Variants in CNTN6 observed in about 807,000 individuals in gnomAD.
CNTN6 encodes the protein contactin-6.
In CNTN6, 137 loss-of-function variants were observed where a neutral mutation model predicts 122.8. The ratio of observed to expected loss-of-function variants is 1.12; its 90% confidence interval spans 0.97 to 1.29. The LOEUF (loss-of-function observed/expected upper bound fraction) is 1.29, where lower values mean the gene tolerates loss of function less well. Ranked by LOEUF, CNTN6 falls within the 50% of genes most tolerant of loss-of-function variation. The pLI is 0.00. For missense variants in CNTN6, 1,634 were observed against 1,223.4 expected (o/e 1.34, Z -5.01); for synonymous variants, 570 against 426.0 (o/e 1.34, Z -4.16).
At chr3:1,232,130 A>T (rs572505322) in intron 4 of CNTN6, among the ~76,000 whole-genome samples, 1 of 152,354 alleles carries the variant, frequency 6.6e-6, no homozygotes, top group East Asian at 1.9e-4. Flanking sequence ...TAATTTTTAA[A>T]TGCCCTTATA....
At chr3:1,142,974 A>ATG (rs2092645766) in intron 1 of CNTN6, among the ~76,000 whole-genome samples, 2 of 50,462 alleles carry the variant, frequency 4.0e-5, no homozygotes, top group Admixed American at 4.4e-4. Context: ...GTGTGTATAT[A>ATG]TATATATATA....
chr3:1,323,889 A>ATGGC lies in CNTN6; in HGVS notation c.947-1926_947-1925insTGGC, dbSNP rs1701189775. On this transcript the variant is annotated intron_variant, in intron 8 of 22. Coordinates refer to ENST00000446702, the MANE Select transcript of CNTN6 (RefSeq NM_001289080.2). ...CATCCAAAGAATGTTCACGTTGAAT[A>ATGGC]AATAAATGTGTTCTGTAGCCGCAAT... Among the ~76,000 whole-genome samples, 334 of 150,762 alleles carry ATGGC rather than the reference A, an allele frequency of 2.2e-3. 2 individuals are homozygous for ATGGC. Among genetic ancestry groups the ATGGC allele is most frequent in the African/African-American group, 7.7e-3 (309 of 40,352 alleles).
chr3:1,343,322 C>T (rs1575784309), intron 11 of CNTN6, among the ~76,000 whole-genome samples: 2 of 152,008 alleles, frequency 1.3e-5, no homozygotes, highest in Non-Finnish European at 2.9e-5. Context: ...ATGTTGGCAC[C>T]CCAACCCCTG....
At position 1,179,984 on chromosome 3, in the gene CNTN6, G is replaced by A. The variant is rs954583386; in HGVS notation, c.55+31921G>A. On this transcript the variant is annotated intron_variant, in intron 2 of 22. Coordinates refer to ENST00000446702, the MANE Select transcript of CNTN6 (RefSeq NM_001289080.2). ...CCCATAGGCACATATCTTTTTTTAG[G>A]TTTTAAGTTAGTTGGTATTCCTGCA... Among the ~76,000 whole-genome samples the A allele has an allele frequency of 2.0e-5, 3 of 152,070 alleles. No individual in the cohort carries two copies. In the South Asian group the frequency reaches 6.2e-4, roughly 31 times the overall value.
chr3:1,143,719 A>C (rs2092664610), intron 1 of CNTN6, among the ~76,000 whole-genome samples: 1 of 152,212 alleles, frequency 6.6e-6, no homozygotes. Context: ...AATATTAGCT[A>C]TTTAGGCTAG....
At chr3:1,390,009 A>AAAGT (rs948069986) in intron 20 of CNTN6, among the ~76,000 whole-genome samples, 5 of 151,662 alleles carry the variant, frequency 3.3e-5, no homozygotes, top group African/African-American at 1.2e-4. Flanking sequence ...AATGAGACAG[A>AAAGT]AAGTCAACAA....
At chr3:1,342,095 A>T (rs1317559085) in intron 11 of CNTN6, among the ~76,000 whole-genome samples, 1 of 152,106 alleles carries the variant, frequency 6.6e-6, no homozygotes, top group African/African-American at 2.4e-5. Flanking sequence ...GCCAAAAAAA[A>T]GTAACATAAA....
At chr3:1,148,161 G>A in intron 2 of CNTN6, 98 bp downstream of exon 2, 2 of 893,600 alleles carry the variant, frequency 2.2e-6, no homozygotes, top group Non-Finnish European at 3.6e-6. Flanking sequence ...CAATTTGTAT[G>A]TTATTTGAAT....
At chr3:1,286,319 G>T (rs528721576) in intron 5 of CNTN6, among the ~76,000 whole-genome samples, 1 of 152,114 alleles carries the variant, frequency 6.6e-6, no homozygotes, top group Non-Finnish European at 1.5e-5. Context: ...TCTACATTAG[G>T]TTTTTCTCCT....
chr3:1,230,479 A>G (rs2094340168), intron 4 of CNTN6, among the ~76,000 whole-genome samples: 1 of 152,206 alleles, frequency 6.6e-6, no homozygotes, highest in Non-Finnish European at 1.5e-5. Context: ...ATATATTTCA[A>G]ACCACTTGAG....
intron 8 of CNTN6, among the ~76,000 whole-genome samples, chr3:1,322,827 T>A (rs1202116923): frequency 6.6e-6 from 1 of 151,668 alleles, no homozygotes; most frequent in Non-Finnish European, 1.5e-5. Flanking sequence ...AGAATATAAT[T>A]TTCTACTCAT....
At chr3:1,313,685 A>G (rs745523625) in intron 7 of CNTN6, among the ~76,000 whole-genome samples, 12 of 152,128 alleles carry the variant, frequency 7.9e-5, no homozygotes, top group Non-Finnish European at 1.2e-4. Context: ...GGGAAAGCTG[A>G]TATAGGCATC....
intron 2 of CNTN6, among the ~76,000 whole-genome samples, chr3:1,217,610 T>G (rs1394718902): frequency 6.6e-6 from 1 of 152,208 alleles, no homozygotes; most frequent in African/African-American, 2.4e-5. Context: ...TAATATTTTA[T>G]CAAAATGCCA....
chr3:1,247,532 C>T lies in CNTN6; in HGVS notation c.358+19539C>T, dbSNP rs1413790014. The stretch of plus-strand genomic sequence containing the variant: ...AGAGAACCAGAGGAGAATAAAAATT[C>T]ATGCCATGAGATCCAATCCATTATG... On this transcript the variant is annotated intron_variant, in intron 4 of 22. Coordinates refer to ENST00000446702, the MANE Select transcript of CNTN6 (RefSeq NM_001289080.2). Among the ~76,000 whole-genome samples the T allele has an allele frequency of 2.0e-5, 3 of 151,972 alleles. No individual in the cohort carries two copies. In the East Asian group the frequency reaches 5.8e-4, roughly 29 times the overall value.
At chr3:1,279,912 A>G (rs1373982103) in intron 5 of CNTN6, among the ~76,000 whole-genome samples, 2 of 152,218 alleles carry the variant, frequency 1.3e-5, no homozygotes, top group Non-Finnish European at 2.9e-5. Flanking sequence ...ACCTGATATG[A>G]TAGGGAAGAG....
intron 5 of CNTN6, among the ~76,000 whole-genome samples, chr3:1,282,634 T>C (rs1693668630): frequency 6.6e-6 from 1 of 152,210 alleles, no homozygotes; most frequent in African/African-American, 2.4e-5. Context: ...CACGAAGTTT[T>C]GTAAGGACAG....
chr3:1,150,258 A>G (rs2125182348), intron 2 of CNTN6, among the ~76,000 whole-genome samples: 1 of 152,322 alleles, frequency 6.6e-6, no homozygotes, highest in South Asian at 2.1e-4. Context: ...TTCTGTGACT[A>G]TGCATAGTGA....
chr3:1,221,062 C>CTT (rs2094201519), intron 3 of CNTN6, among the ~76,000 whole-genome samples: 1 of 152,046 alleles, frequency 6.6e-6, no homozygotes, highest in Non-Finnish European at 1.5e-5. Context: ...GGTAACCGTA[C>CTT]TTATGTCTCT....
chr3:1,259,555 C>T (rs1049607149), intron 4 of CNTN6, among the ~76,000 whole-genome samples: 6 of 151,906 alleles, frequency 3.9e-5, no homozygotes, highest in Non-Finnish European at 5.9e-5. Context: ...AATTTACTGG[C>T]AGTGGAAAAA....
Sources: gnomAD v4.1 joint callset for allele counts (sites outside exome capture counted in the v4.1 genomes callset) on GRCh38, gnomAD v4.1.1 for gene constraint, MANE v1.5 for transcripts, NCBI Gene and HGNC (gene_info 2026-07-23, HGNC 2026-07-21) for gene names.